Variants in ME3 observed in about 807,000 individuals in gnomAD.
ME3 encodes malic enzyme 3.
ME3 carries 48 observed loss-of-function variants against 68.9 expected under a neutral mutation model. The ratio of observed to expected loss-of-function variants is 0.70; its 90% CI spans 0.55 to 0.89. ME3 has a LOEUF of 0.89. Ranked by LOEUF, ME3 falls within the 40% of genes least tolerant of loss-of-function variation. The pLI is 0.00. For synonymous variants in ME3, 320 were observed against 318.8 expected, an observed-to-expected ratio of 1.00 and a Z score of -0.04; for missense variants, 675 against 797.4, an observed-to-expected ratio of 0.85 and a Z score of 1.85.
chr11:86,543,469 G>A (rs576811254), intron 4 of ME3, among the ~76,000 whole-genome samples: 1 of 152,252 alleles, frequency 6.6e-6, no homozygotes, highest in African/African-American at 2.4e-5. Context: ...GATTTACCAA[G>A]CAAATGGAAA....
intron 2 of ME3, among the ~76,000 whole-genome samples, chr11:86,605,421 A>C (rs1961485731): frequency 6.6e-6 from 1 of 151,946 alleles, no homozygotes; most frequent in African/African-American, 2.4e-5. Flanking sequence ...CCTGAAAAGC[A>C]TTTTAGAGGT....
intron 2 of ME3, among the ~76,000 whole-genome samples, chr11:86,586,361 G>A (rs1044784117): frequency 1.8e-4 from 28 of 152,194 alleles, no homozygotes; most frequent in African/African-American, 6.5e-4. Context: ...GGGTCCGAGG[G>A]GACAGCTGAC....
At chr11:86,562,649 A>G (rs908763350) in intron 2 of ME3, among the ~76,000 whole-genome samples, 2 of 152,096 alleles carry the variant, frequency 1.3e-5, no homozygotes, top group Non-Finnish European at 2.9e-5. Flanking sequence ...TATAATGTTG[A>G]GTATCTTTTC....
chr11:86,545,418 C>T (rs537547150), intron 4 of ME3, among the ~76,000 whole-genome samples: 21 of 152,204 alleles, frequency 1.4e-4, no homozygotes, highest in African/African-American at 5.1e-4. Context: ...TTTAGAAAAC[C>T]CCATCATCTC....
chr11:86,537,016 C>T (rs1955713823), intron 4 of ME3, among the ~76,000 whole-genome samples: 1 of 151,240 alleles, frequency 6.6e-6, no homozygotes, highest in African/African-American at 2.4e-5. Flanking sequence ...AATCATCATT[C>T]TCAGTAAACT....
intron 2 of ME3, among the ~76,000 whole-genome samples, chr11:86,642,052 AC>A (rs1349325406): frequency 1.3e-5 from 2 of 152,172 alleles, no homozygotes; most frequent in East Asian, 3.9e-4. Context: ...CTAAAATTCA[AC>A]CCAATGGAGA....
chr11:86,466,190 T>TAA (rs1214532844), intron 7 of ME3, among the ~76,000 whole-genome samples: 1 of 152,240 alleles, frequency 6.6e-6, no homozygotes, highest in Admixed American at 6.5e-5. Context: ...TGTGGGCTTC[T>TAA]GCACACAGAT....
chr11:86,442,209 C>T (rs1476952753), intron 14 of ME3, among the ~76,000 whole-genome samples: 2 of 152,192 alleles, frequency 1.3e-5, no homozygotes, highest in African/African-American at 4.8e-5. Context: ...AACCCATCAT[C>T]TCTGCACAGT....
At chr11:86,653,374 C>CA (rs1333748472) in intron 2 of ME3, among the ~76,000 whole-genome samples, 1 of 152,002 alleles carries the variant, frequency 6.6e-6, no homozygotes, top group Non-Finnish European at 1.5e-5. Context: ...ATGTAAAAGA[C>CA]AAAAAATTAT....
chr11:86,598,170 G>A (rs540988005), intron 2 of ME3, among the ~76,000 whole-genome samples: 1 of 152,192 alleles, frequency 6.6e-6, no homozygotes, highest in Non-Finnish European at 1.5e-5. Context: ...GAAGTGCAAG[G>A]GGTCAGGGAG....
In ME3 at chr11:86,553,405, C is replaced by T. The variant is rs191891540; in HGVS notation, c.467+3148G>A. 5.8e-3 allele frequency among the ~76,000 whole-genome samples: 882 copies of T among 152,296 alleles called. 4 individuals carry two copies. The highest frequency in any genetic ancestry group is 0.01 in the Middle Eastern group (3 of 294). ...AAGGTGCTGGCTCTCTCCCTCTTGGCCTCGGGACTGTCCTCCCTTCAGATG... is the reference window on the plus strand; with the variant it reads ...AAGGTGCTGGCTCTCTCCCTCTTGGTCTCGGGACTGTCCTCCCTTCAGATG... On this transcript the variant is annotated intron_variant, in intron 4 of 14. Coordinates refer to ENST00000543262, the Ensembl canonical transcript of ME3.
downstream of ME3, among the ~76,000 whole-genome samples, chr11:86,437,887 G>A (rs1948906371): frequency 6.6e-6 from 1 of 152,252 alleles, no homozygotes; most frequent in South Asian, 2.1e-4. Context: ...ATGTGTATGT[G>A]TTCTTTAGTG....
At chr11:86,566,722 T>G (rs1047868160) in intron 2 of ME3, among the ~76,000 whole-genome samples, 1 of 152,210 alleles carries the variant, frequency 6.6e-6, no homozygotes, top group African/African-American at 2.4e-5. Context: ...CTCTATTGCT[T>G]CTTAAACCAG....
At chr11:86,483,561 G>A (rs1565841687) in intron 7 of ME3, among the ~76,000 whole-genome samples, 1 of 152,050 alleles carries the variant, frequency 6.6e-6, no homozygotes, top group South Asian at 2.1e-4. Context: ...ATGAATGAAT[G>A]CACAGAGACA....
intron 4 of ME3, among the ~76,000 whole-genome samples, chr11:86,529,119 TAAAG>T (rs1202294676): frequency 1.3e-5 from 2 of 151,642 alleles, no homozygotes; most frequent in East Asian, 1.9e-4. Context: ...GCGAGACTAA[TAAAG>T]AAGAAAAGAG....
chr11:86,456,512 G>A (rs1949935962), intron 8 of ME3, among the ~76,000 whole-genome samples: 1 of 152,138 alleles, frequency 6.6e-6, no homozygotes, highest in African/African-American at 2.4e-5. Context: ...GTCACCCAAA[G>A]CAAGGAAACC....
At chr11:86,595,645 T>C (rs1959313479) in intron 2 of ME3, among the ~76,000 whole-genome samples, 1 of 152,154 alleles carries the variant, frequency 6.6e-6, no homozygotes, top group African/African-American at 2.4e-5. Context: ...GTCACAAAGA[T>C]CATGAGGGGA....
At chr11:86,488,237 C>T (rs938360344) in intron 6 of ME3, among the ~76,000 whole-genome samples, 1 of 152,116 alleles carries the variant, frequency 6.6e-6, no homozygotes, top group Non-Finnish European at 1.5e-5. Context: ...TTCTTAGGGA[C>T]AAAACTGTCA....
At chr11:86,479,494 A>G (rs1951269786) in intron 7 of ME3, among the ~76,000 whole-genome samples, 1 of 152,172 alleles carries the variant, frequency 6.6e-6, no homozygotes, top group South Asian at 2.1e-4. Context: ...CTGAACATTC[A>G]TTTTTAGTTG....
Sources: gnomAD v4.1 joint callset for allele counts (sites outside exome capture counted in the v4.1 genomes callset) on GRCh38, gnomAD v4.1.1 for gene constraint, MANE v1.5 for transcripts, NCBI Gene and HGNC (gene_info 2026-07-23, HGNC 2026-07-21) for gene names.